ALLC: variants seen among roughly 807,000 people sequenced by gnomAD.
ALLC encodes the protein allantoicase, also known as probable inactive allantoicase.
In ALLC, 40 loss-of-function variants were observed where a neutral mutation model predicts 45.0. The observed-to-expected ratio is 0.89, with a 90% CI of 0.69 to 1.16. The LOEUF is 1.16. Ranked by LOEUF, ALLC falls within the 50% of genes most tolerant of loss-of-function variation. ALLC has a pLI of 0.00. For synonymous variants in ALLC, 176 were observed against 178.1 expected, an observed-to-expected ratio of 0.99 and a Z score of 0.09; for missense variants, 488 against 493.1, an observed-to-expected ratio of 0.99 and a Z score of 0.10.
At chr2:3,651,205 G>A in the ALLC span, among the ~76,000 whole-genome samples, 7 of 152,014 alleles carry the variant, frequency 4.6e-5, no homozygotes, top group East Asian at 1.4e-3. Flanking sequence ...AGTGGGAAAA[G>A]AGGACGAGGA....
In ALLC at chr2:3,685,416, T is replaced by A. The variant is rs572293560; in HGVS notation, c.511+2342T>A. On this transcript the variant is annotated intron_variant, in intron 7 of 11. Coordinates refer to ENST00000252505, the MANE Select transcript of ALLC (RefSeq NM_018436.4). ...AAGGCGAAGCAAGGCATGTCTTACA[T>A]GGCAGCAGGATCGAGAGAGAGAGAG... 2.5e-4 allele frequency among the ~76,000 whole-genome samples: 38 copies of A among 150,296 alleles called. 1 individual carries two copies. The South Asian group carries it at 8.0e-3, about 32-fold the overall frequency.
Position 3,668,776 on chromosome 2 carries a change from A to G in ALLC, c.-62-2320A>G, listed in dbSNP as rs544398812. Reference sequence around the variant, plus strand: ...TTTTTAGTAGAGACGGGGTTTCTCTATATTAGCCAGGGTGGTCTCGAACTC... The same window carrying G: ...TTTTTAGTAGAGACGGGGTTTCTCTGTATTAGCCAGGGTGGTCTCGAACTC... On this transcript the variant is annotated intron_variant, in intron 1 of 11. Transcript: ENST00000252505. 7.3e-5 allele frequency among the ~76,000 whole-genome samples: 11 copies of G among 150,982 alleles called. 1 individual carries two copies. The South Asian group carries it at 1.3e-3, about 17-fold the overall frequency.
At chr2:3,651,296 TTGGGTGGGTGGGTGGGTGGG>T in the ALLC span, among the ~76,000 whole-genome samples, 393 of 3,938 alleles carry the variant, frequency 0.1, 66 homozygotes, top group African/African-American at 0.17. Flanking sequence ...GGAATTCTTT[TTGGGTGGGTGGGTGGGTGGG>T]GGGGGTGTGT....
At chr2:3,669,683 C>T (rs920132925) in intron 1 of ALLC, among the ~76,000 whole-genome samples, 55 of 152,134 alleles carry the variant, frequency 3.6e-4, no homozygotes, top group African/African-American at 1.3e-3. Context: ...ATTCCATGTT[C>T]TGGGTCCAGT....
At chr2:3,652,443 A>T in the ALLC span, among the ~76,000 whole-genome samples, 1 of 152,344 alleles carries the variant, frequency 6.6e-6, no homozygotes, top group South Asian at 2.1e-4. Context: ...CATGCCTTAG[A>T]TACAAAGGAG....
At chr2:3,697,231 T>G (rs1667697778) in intron 9 of ALLC, 117 bp from the exon 10 acceptor site, 1 of 709,960 alleles carries the variant, frequency 1.4e-6, no homozygotes, top group South Asian at 1.9e-5. Context: ...CAGGAAACAC[T>G]CTTCTATAGT....
At position 3,666,564 on chromosome 2, in the gene ALLC, C is replaced by CA. The variant is rs1666730581; in HGVS notation, c.-62-4531dup. On this transcript the variant is annotated intron_variant, in intron 1 of 11. Coordinates refer to ENST00000252505, the MANE Select transcript of ALLC (RefSeq NM_018436.4). ...CCACAGCCTCCCTGTGTGGAGTGTG[C>CA]ATGTAATCAGGAGAGGCAGATAATA... Among the ~76,000 whole-genome samples the CA allele has an allele frequency of 1.3e-5, 2 of 152,222 alleles. 1 individual carries two copies. The highest frequency in any genetic ancestry group is 4.1e-4 in the South Asian group (2 of 4,838).
chr2:3,679,912 C>G lies in ALLC; in HGVS notation c.216C>G (p.Ile72Met), dbSNP rs1667130430. Reference sequence around the variant, plus strand: ...TCAGGCTGGGGATCCAAGGAGTCATCCGGGGCTTCGACGTGGACGTTTCTT... The same window carrying G: ...TCAGGCTGGGGATCCAAGGAGTCATGCGGGGCTTCGACGTGGACGTTTCTT... ...CVLRLGIQGV[I>M]RGFDVDVSYF... The change falls in exon 5 of 12, where the codon ATC becomes ATG. Residue 72 changes from isoleucine (I) to methionine (M), a missense_variant. By Grantham distance (10) the Ile-to-Met change is conservative. Coordinates refer to ENST00000252505, the MANE Select transcript of ALLC (RefSeq NM_018436.4). 1 of 1,613,880 alleles carries G rather than the reference C, an allele frequency of 6.2e-7. No homozygotes were observed. Among genetic ancestry groups the G allele is most frequent in the Non-Finnish European group, 8.5e-7 (1 of 1,179,906 alleles).
the ALLC span, among the ~76,000 whole-genome samples, chr2:3,651,427 GTGTGTGTGTGTGTGTTAGGA>G: frequency 3.4e-5 from 2 of 59,398 alleles, no homozygotes; most frequent in African/African-American, 5.1e-5. Flanking sequence ...GTGTGTGTGT[GTGTGTGTGTGTGTGTTAGGA>G]AGGGAGACGA....
At position 3,702,365 on chromosome 2, in the gene ALLC, G is replaced by T; in HGVS notation, c.978G>T (p.Leu326Phe). The T allele has an allele frequency of 6.2e-7, 1 of 1,612,814 alleles. No homozygotes were observed. The highest frequency in any genetic ancestry group is 8.5e-7 in the Non-Finnish European group (1 of 1,179,628). Residue 326 changes from leucine to phenylalanine, a missense_variant and splice_region_variant, in exon 12 of 12, where the codon TTG (leucine) becomes TTT (phenylalanine). Physicochemically the swap from Leu to Phe is conservative, Grantham distance 22. Transcript: ENST00000252505. ...CTCTGCATCTGCTTGCTTTTCAGTT[G>T]TCTCCCAACCAAAGTCATCTGTTCG... Reference protein sequence around the residue: ...KWKPLLPVTKLSPNQSHLFDS... With the variant: ...KWKPLLPVTKFSPNQSHLFDS...
chr2:3,647,539 C>G, the ALLC span, among the ~76,000 whole-genome samples: 1 of 151,800 alleles, frequency 6.6e-6, no homozygotes, highest in Admixed American at 6.5e-5. Context: ...CCATCTTCTC[C>G]TGATGCCCCT....
At chr2:3,650,039 C>T in the ALLC span, among the ~76,000 whole-genome samples, 1 of 152,264 alleles carries the variant, frequency 6.6e-6, no homozygotes, top group Admixed American at 6.5e-5. Context: ...TGCATTAGTG[C>T]CCTGGAAGGC....
rs148481009 is a variant in ALLC at position 3,683,627 on chromosome 2, A to G, written c.511+553A>G. On this transcript the variant is annotated intron_variant, in intron 7 of 11. Transcript: ENST00000252505. ...GTTTTGACTATTTTGGACATTTCAT[A>G]TAAGTAGGAATTATATAATATTGGT... Among the ~76,000 whole-genome samples the G allele has an allele frequency of 5.6e-4, 86 of 152,338 alleles. 1 individual carries two copies. Among genetic ancestry groups the G allele is most frequent in the African/African-American group, 1.9e-3 (79 of 41,574 alleles).
At chr2:3,698,381 C>T (rs1023717303) in intron 10 of ALLC, among the ~76,000 whole-genome samples, 1 of 152,166 alleles carries the variant, frequency 6.6e-6, no homozygotes, top group Non-Finnish European at 1.5e-5. Context: ...CTGCATCCCC[C>T]TTGGAAAAAG....
chr2:3,661,649 T>G lies in ALLC; in HGVS notation c.-63+3355T>G, dbSNP rs531216803. On this transcript the variant is annotated intron_variant, in intron 1 of 11. Coordinates refer to ENST00000252505, the MANE Select transcript of ALLC (RefSeq NM_018436.4). ...AAGCTGTCAAGGGTCATTGCCCCTC[T>G]CAGCCTAAACCTCTTAGCACCTCTC... Among the ~76,000 whole-genome samples, 3 of 152,352 alleles carry G rather than the reference T, an allele frequency of 2.0e-5. No individual in the cohort carries two copies. The South Asian group carries it at 6.2e-4, about 32-fold the overall frequency.
rs1666632579 is a variant in ALLC at position 3,663,836 on chromosome 2, T to C, written c.-63+5542T>C. Reference sequence around the variant, plus strand: ...CATGCTTTGTAAAACCACACACCTGTGCTGTCTGGCAGAACTTTCTGTAAT... The same window carrying C: ...CATGCTTTGTAAAACCACACACCTGCGCTGTCTGGCAGAACTTTCTGTAAT... On this transcript the variant is annotated intron_variant, in intron 1 of 11. Transcript: ENST00000252505. Among the ~76,000 whole-genome samples the C allele has an allele frequency of 3.3e-5, 5 of 152,386 alleles. No homozygotes were observed. In the South Asian group the frequency reaches 8.3e-4, roughly 25 times the overall value.
intron 7 of ALLC, among the ~76,000 whole-genome samples, chr2:3,690,260 TTC>T (rs1667445527): frequency 1.3e-4 from 1 of 7,886 alleles, no homozygotes; most frequent in African/African-American, 6.5e-4. Flanking sequence ...TTCCCTTCCC[TTC>T]CCTCCCCCCT....
intron 1 of ALLC, among the ~76,000 whole-genome samples, chr2:3,661,225 T>C (rs993947539): frequency 6.6e-6 from 1 of 152,190 alleles, no homozygotes; most frequent in African/African-American, 2.4e-5. Context: ...GGAACAGATA[T>C]GGAGCTATAG....
At chr2:3,691,702 T>C (rs1047537453) in intron 7 of ALLC, among the ~76,000 whole-genome samples, 2 of 152,234 alleles carry the variant, frequency 1.3e-5, no homozygotes, top group Non-Finnish European at 2.9e-5. Flanking sequence ...TTGAATAAGC[T>C]TTCTACCCCT....
Sources: allele counts gnomAD v4.1 joint callset (sites outside exome capture counted in the v4.1 genomes callset), GRCh38; gene constraint gnomAD v4.1.1; transcripts MANE v1.5; gene names NCBI Gene and HGNC (gene_info 2026-07-23, HGNC 2026-07-21).